MSI2: variants seen among roughly 807,000 people sequenced by gnomAD.
The protein encoded by MSI2 is musashi RNA binding protein 2, also known as RNA-binding protein Musashi homolog 2.
MSI2 carries 17 observed loss-of-function variants against 45.6 expected under a neutral mutation model. The ratio of observed to expected loss-of-function variants is 0.37; its 90% CI spans 0.26 to 0.56. The LOEUF (loss-of-function observed/expected upper bound fraction) is 0.56. Ranked by LOEUF, MSI2 falls within the 20% of genes least tolerant of loss-of-function variation. The pLI, the probability that MSI2 is intolerant of heterozygous loss-of-function variation, is 0.77. For missense variants in MSI2, 293 were observed against 444.2 expected (o/e 0.66, Z 3.06); for synonymous variants, 156 against 158.2 (o/e 0.99, Z 0.11).
chr17:57,430,732 C>T (rs935591753), intron 6 of MSI2, among the ~76,000 whole-genome samples: 3 of 152,162 alleles, frequency 2.0e-5, no homozygotes, highest in Admixed American at 6.5e-5. Context: ...GTGCTGGTGG[C>T]CCTGAGTTTC....
intron 5 of MSI2, among the ~76,000 whole-genome samples, chr17:57,374,119 G>A (rs963845252): frequency 1.3e-5 from 2 of 152,190 alleles, no homozygotes; most frequent in Non-Finnish European, 2.9e-5. Context: ...AAAGCAGCCA[G>A]ACAACTAGAG....
At chr17:57,563,052 C>T (rs561729237) in intron 7 of MSI2, among the ~76,000 whole-genome samples, 2 of 143,516 alleles carry the variant, frequency 1.4e-5, no homozygotes, top group African/African-American at 2.6e-5. Flanking sequence ...GAGCAGAGAT[C>T]GCACCACTGC....
In MSI2 at chr17:57,627,155, C is replaced by T; in HGVS notation, c.653-74C>T. ...ATAACTCAGGCTTTCCTCATTGCCA[C>T]CCTCCGTGAGATTTTACCCCAGACC... On this transcript the variant is annotated intron_variant, in intron 9 of 13. Transcript: ENST00000284073. This position sits in a 1 kb window ranked among gnomAD's most constrained non-coding sequence, Gnocchi z 4.6. The T allele has an allele frequency of 7.6e-7, 1 of 1,307,722 alleles. No homozygotes were observed. Among genetic ancestry groups the T allele is most frequent in the South Asian group, 1.2e-5 (1 of 84,408 alleles). The allele number at this position is 1,307,722 out of a possible 1,614,324, so 81.0% of individuals were successfully genotyped here.
Position 57,325,353 on chromosome 17 carries a change from A to G in MSI2, c.312+63161A>G, listed in dbSNP as rs118074640. Among the ~76,000 whole-genome samples the G allele has an allele frequency of 3.5e-3, 526 of 152,360 alleles. 2 individuals carry two copies. The highest frequency in any genetic ancestry group is 6.0e-3 in the Non-Finnish European group (405 of 68,034). Reference sequence around the variant, plus strand: ...ATAAAAAAACTACATATTGGATGCAATATATGCTATTCAGCTAACAGGTGC... The same window carrying G: ...ATAAAAAAACTACATATTGGATGCAGTATATGCTATTCAGCTAACAGGTGC... On this transcript the variant is annotated intron_variant, in intron 5 of 13. Coordinates refer to ENST00000284073, the MANE Select transcript of MSI2 (RefSeq NM_138962.4).
intron 9 of MSI2, among the ~76,000 whole-genome samples, chr17:57,622,915 A>G (rs945164699): frequency 6.6e-6 from 1 of 152,120 alleles, no homozygotes; most frequent in Admixed American, 6.5e-5. Context: ...GTCCAATAGA[A>G]CTTCCTGCAA....
chr17:57,575,033 T>G (rs1288716789), intron 7 of MSI2, among the ~76,000 whole-genome samples: 1 of 152,032 alleles, frequency 6.6e-6, no homozygotes, highest in Non-Finnish European at 1.5e-5. Flanking sequence ...GGTTTCACTG[T>G]GTTAGCCAGG....
intron 5 of MSI2, among the ~76,000 whole-genome samples, chr17:57,394,560 C>T (rs1446325316): frequency 6.6e-6 from 1 of 152,244 alleles, no homozygotes; most frequent in Non-Finnish European, 1.5e-5. Context: ...CAGGAGCCTG[C>T]CCTTGCGTAA....
chr17:57,293,597 T>TG (rs1910648755), intron 5 of MSI2, among the ~76,000 whole-genome samples: 2 of 129,246 alleles, frequency 1.5e-5, no homozygotes, highest in African/African-American at 3.4e-5. Flanking sequence ...GTTTTTTTGT[T>TG]TTTTTTTTTG....
chr17:57,576,697 T>C (rs2088057143), intron 7 of MSI2, among the ~76,000 whole-genome samples: 1 of 145,746 alleles, frequency 6.9e-6, no homozygotes, highest in Non-Finnish European at 1.5e-5. Context: ...GAGGTTACAG[T>C]GAGCTGAGAT....
At chr17:57,391,472 TG>T (rs772511907) in intron 5 of MSI2, among the ~76,000 whole-genome samples, 1 of 152,128 alleles carries the variant, frequency 6.6e-6, no homozygotes, top group East Asian at 1.9e-4. Flanking sequence ...TGCTTGAAAA[TG>T]GGAACTTCCT....
intron 5 of MSI2, chr17:57,262,578 G>T: frequency 5.7e-6 from 1 of 175,514 alleles, no homozygotes; most frequent in Non-Finnish European, 1.2e-5. Flanking sequence ...AGTTAATGCA[G>T]AGGAGTAGAG....
chr17:57,289,140 C>T (rs772252802), intron 5 of MSI2, among the ~76,000 whole-genome samples: 2 of 152,198 alleles, frequency 1.3e-5, no homozygotes, highest in African/African-American at 2.4e-5. Flanking sequence ...GAGAGATCAC[C>T]TGGTCCAGGC....
chr17:57,518,603 G>A (rs778057168), intron 6 of MSI2, among the ~76,000 whole-genome samples: 16 of 152,190 alleles, frequency 1.1e-4, no homozygotes, highest in Non-Finnish European at 1.9e-4. Context: ...AGAGTGTTCC[G>A]GCACATCAGT....
chr17:57,581,928 T>G (rs73994425), intron 7 of MSI2, among the ~76,000 whole-genome samples: 4,153 of 152,306 alleles, frequency 0.027, 199 homozygotes, highest in African/African-American at 0.095. Context: ...ATGAAAAATT[T>G]ATTGAGACGA....
intron 7 of MSI2, among the ~76,000 whole-genome samples, chr17:57,550,214 C>T (rs754512788): frequency 6.6e-6 from 1 of 152,146 alleles, no homozygotes; most frequent in South Asian, 2.1e-4. Flanking sequence ...GTTCTTAGAG[C>T]TTGGGTTTGG....
chr17:57,585,567 G>A (rs1458723410), intron 7 of MSI2, among the ~76,000 whole-genome samples: 1 of 152,186 alleles, frequency 6.6e-6, no homozygotes, highest in Non-Finnish European at 1.5e-5. Flanking sequence ...CCACCTCAGT[G>A]GGGACATTAA....
At chr17:57,414,948 A>T (rs1474722328) in intron 6 of MSI2, among the ~76,000 whole-genome samples, 1 of 152,174 alleles carries the variant, frequency 6.6e-6, no homozygotes, top group Non-Finnish European at 1.5e-5. Context: ...GAAGGATGTC[A>T]GGAGGGTAAA....
At chr17:57,456,586 G>T (rs909170516) in intron 6 of MSI2, among the ~76,000 whole-genome samples, 2 of 151,710 alleles carry the variant, frequency 1.3e-5, no homozygotes, top group African/African-American at 4.8e-5. Flanking sequence ...CAGAGCGATC[G>T]AGACTCCATC....
At chr17:57,458,628 G>T (rs905719923) in intron 6 of MSI2, among the ~76,000 whole-genome samples, 7 of 152,170 alleles carry the variant, frequency 4.6e-5, no homozygotes, top group Non-Finnish European at 1.0e-4. Context: ...CCCCTCTCCA[G>T]CTCTAATACT....
Sources: gnomAD v4.1 joint callset for allele counts (sites outside exome capture counted in the v4.1 genomes callset) on GRCh38, gnomAD v4.1.1 for gene constraint, Gnocchi (gnomAD v3.1) non-coding constraint, MANE v1.5 for transcripts, NCBI Gene and HGNC (gene_info 2026-07-23, HGNC 2026-07-21) for gene names.